The following SAFB variants were observed in gnomAD, a reference collection of about 807,000 sequenced individuals.
The protein encoded by SAFB is scaffold attachment factor B, also known as scaffold attachment factor B1.
A neutral mutation model predicts 101.6 loss-of-function variants in SAFB; 15 were observed. The observed-to-expected ratio is 0.15, with a 90% CI of 0.10 to 0.23. The LOEUF (loss-of-function observed/expected upper bound fraction) is 0.23. Ranked by LOEUF, SAFB falls within the 10% of genes least tolerant of loss-of-function variation. The pLI is 1.00. For missense variants in SAFB, 930 were observed against 1,104.1 expected (o/e 0.84, Z 2.23); for synonymous variants, 449 against 407.5 (o/e 1.10, Z -1.23).
At chr19:5,638,318 TTTTTA>T (rs2053635188) in intron 2 of SAFB, among the ~76,000 whole-genome samples, 1 of 152,108 alleles carries the variant, frequency 6.6e-6, no homozygotes, top group African/African-American at 2.4e-5. Context: ...TACTAAACTC[TTTTTA>T]TTTTATTTAT....
chr19:5,633,368 T>C (rs947466934), intron 2 of SAFB, among the ~76,000 whole-genome samples: 2 of 152,214 alleles, frequency 1.3e-5, no homozygotes, highest in African/African-American at 4.8e-5. Flanking sequence ...TTGGGATACT[T>C]TTTTACCTTC....
At chr19:5,648,332 C>T (rs767247056) in intron 6 of SAFB, 2 of 417,204 alleles carry the variant, frequency 4.8e-6, no homozygotes, top group Non-Finnish European at 8.5e-6. Flanking sequence ...GAAAGAGTTC[C>T]AGATGCCTCT....
chr19:5,637,304 A>G (rs1265821406), intron 2 of SAFB, among the ~76,000 whole-genome samples: 1 of 148,604 alleles, frequency 6.7e-6, no homozygotes, highest in East Asian at 2.0e-4. Context: ...AGATCGTGCC[A>G]CTGCTCTCCA....
chr19:5,667,762 C>T lies in SAFB; in HGVS notation c.2558-58C>T, dbSNP rs2054366644. ...AAGGGAGTGGAGTGGGCTAAATGTGCCGTGGGTTCCACGCCGTGTGCGCAA... is the reference window on the plus strand; with the variant it reads ...AAGGGAGTGGAGTGGGCTAAATGTGTCGTGGGTTCCACGCCGTGTGCGCAA... On this transcript the variant is annotated intron_variant, in intron 19 of 20. Coordinates refer to ENST00000588852, the MANE Select transcript of SAFB (RefSeq NM_001201338.2). This position sits in a 1 kb window ranked among gnomAD's most constrained non-coding sequence, Gnocchi z 4.0. 7 of 1,560,718 alleles carry T rather than the reference C, an allele frequency of 4.5e-6. No individual in the cohort carries two copies. The highest frequency in any genetic ancestry group is 6.2e-6 in the Non-Finnish European group (7 of 1,133,242).
chr19:5,645,830 G>A (rs1344206334), intron 5 of SAFB, among the ~76,000 whole-genome samples: 1 of 152,188 alleles, frequency 6.6e-6, no homozygotes, highest in Non-Finnish European at 1.5e-5. Flanking sequence ...GTTGGGGAAG[G>A]TGGGGTCTCA....
chr19:5,653,763 G>A (rs1454971036), intron 11 of SAFB, among the ~76,000 whole-genome samples: 3 of 151,048 alleles, frequency 2.0e-5, no homozygotes, highest in Admixed American at 1.3e-4. Flanking sequence ...ATGCCTGGCC[G>A]GGGCAGGGTG....
chr19:5,649,584 A>G (rs546757799), intron 7 of SAFB, 85 bp downstream of exon 7: 33 of 447,960 alleles, frequency 7.4e-5, no homozygotes, highest in East Asian at 2.2e-4. Context: ...TTTTTCTGCA[A>G]TTGGCCAGCC....
chr19:5,645,284 A>T (rs2053802877), intron 4 of SAFB, 53 bp from the exon 5 acceptor site: 1 of 782,350 alleles, frequency 1.3e-6, no homozygotes, highest in Non-Finnish European at 2.3e-6. Context: ...ATGTACCATT[A>T]TGTTACGTTA....
intron 6 of SAFB, chr19:5,648,761 T>C (rs557205213): frequency 3.1e-4 from 226 of 729,506 alleles, no homozygotes; most frequent in Admixed American, 5.0e-4. Context: ...GGGGGTTAAA[T>C]CTCTGGGATG....
chr19:5,639,182 A>G (rs2053653880), intron 2 of SAFB, among the ~76,000 whole-genome samples: 1 of 152,234 alleles, frequency 6.6e-6, no homozygotes, highest in Non-Finnish European at 1.5e-5. Flanking sequence ...GGGGGCAAGT[A>G]CTATTTAGTC....
At chr19:5,631,213 G>C (rs1048498910) in intron 2 of SAFB, among the ~76,000 whole-genome samples, 2 of 152,086 alleles carry the variant, frequency 1.3e-5, no homozygotes, top group African/African-American at 4.8e-5. Flanking sequence ...AGAAACATTT[G>C]TCATCAGAAA....
intron 1 of SAFB, among the ~76,000 whole-genome samples, chr19:5,625,867 G>C (rs769173080): frequency 6.6e-6 from 1 of 152,176 alleles, no homozygotes; most frequent in African/African-American, 2.4e-5. Flanking sequence ...GACGGGTCTC[G>C]TGCGTAACAC....
At chr19:5,654,591 CTA>C (rs2145463830) in intron 13 of SAFB, 135 bp downstream of exon 13, 1 of 682,768 alleles carries the variant, frequency 1.5e-6, no homozygotes. Context: ...AAATCTCAAA[CTA>C]TTTTTTTTGA....
rs1032078099 is a variant in SAFB at position 5,626,557 on chromosome 19, G to T, written c.274+68G>T. 6 of 925,340 alleles carry T rather than the reference G, an allele frequency of 6.5e-6. No individual in the cohort carries two copies. The African/African-American group carries it at 8.1e-5, about 13-fold the overall frequency. The allele number at this position is 925,340 out of a possible 1,614,324, so 57.3% of individuals were successfully genotyped here. Reference sequence around the variant, plus strand: ...TTCAAAACGAATACATTGCTAATGTGCCTCGTTTACTTGTCTGTGTGTTGG... The same window carrying T: ...TTCAAAACGAATACATTGCTAATGTTCCTCGTTTACTTGTCTGTGTGTTGG... On this transcript the variant is annotated intron_variant, in intron 2 of 20. Transcript: ENST00000588852.
At chr19:5,658,502 G>T (rs1012807173) in intron 14 of SAFB, among the ~76,000 whole-genome samples, 1 of 152,268 alleles carries the variant, frequency 6.6e-6, no homozygotes, top group East Asian at 1.9e-4. Flanking sequence ...AGACCAGCCT[G>T]ACCAACATAG....
chr19:5,664,661 C>T, intron 17 of SAFB: 2 of 499,466 alleles, frequency 4.0e-6, no homozygotes, highest in South Asian at 2.0e-5. Flanking sequence ...TGTTTTTAGC[C>T]TTGACCCTGG....
intron 2 of SAFB, among the ~76,000 whole-genome samples, chr19:5,630,941 C>T (rs2053477150): frequency 6.6e-6 from 1 of 151,990 alleles, no homozygotes; most frequent in Admixed American, 6.6e-5. Flanking sequence ...CCTGTAATCC[C>T]AGCACTTTGG....
intron 2 of SAFB, among the ~76,000 whole-genome samples, chr19:5,639,126 A>G (rs1482345445): frequency 2.0e-5 from 3 of 152,262 alleles, no homozygotes; most frequent in African/African-American, 4.8e-5. Context: ...AATCCCAGAC[A>G]TAAATACAAA....
At chr19:5,666,639 T>C (rs1414385813) in intron 17 of SAFB, 3 of 198,314 alleles carry the variant, frequency 1.5e-5, no homozygotes, top group Non-Finnish European at 3.1e-5. Context: ...ATGCACACAT[T>C]AAAGGTTTAT....
Sources: gnomAD v4.1 joint callset for allele counts (sites outside exome capture counted in the v4.1 genomes callset) on GRCh38, gnomAD v4.1.1 for gene constraint, Gnocchi (gnomAD v3.1) non-coding constraint, MANE v1.5 for transcripts, NCBI Gene and HGNC (gene_info 2026-07-23, HGNC 2026-07-21) for gene names.